Variants in ITPR2 observed in about 807,000 individuals in gnomAD.
The protein encoded by ITPR2 is inositol 1,4,5-trisphosphate-gated calcium channel ITPR2.
In ITPR2, 207 loss-of-function variants were observed where a neutral mutation model predicts 317.1. The ratio of observed to expected loss-of-function variants is 0.65; its 90% CI spans 0.58 to 0.73. The LOEUF is 0.73. Ranked by LOEUF, ITPR2 falls within the 30% of genes least tolerant of loss-of-function variation. The pLI, the probability that ITPR2 is intolerant of heterozygous loss-of-function variation, is 0.00. For synonymous variants in ITPR2, 1,156 were observed against 1,149.1 expected, an observed-to-expected ratio of 1.01 and a Z score of -0.12; for missense variants, 2,613 against 3,284.0, an observed-to-expected ratio of 0.80 and a Z score of 4.99.
In ITPR2 at chr12:26,787,922, C is replaced by CTT. The variant is rs71069268; in HGVS notation, c.163+2233_163+2234dup. Among the ~76,000 whole-genome samples, 191 of 120,186 alleles carry CTT rather than the reference C, an allele frequency of 1.6e-3. 1 individual carries two copies. The highest frequency in any genetic ancestry group is 2.0e-3 in the East Asian group (9 of 4,444). The allele number at this position is 120,186 out of a possible 152,430, so 78.8% of individuals were successfully genotyped here. A position where few individuals can be genotyped will look rare whatever the true frequency, so the allele number is the denominator to read the frequency against. Reference sequence around the variant, plus strand: ...GCCTTTCTATCATAAGGTGACTATCCTTTTTTTTTTTTTTTTTTTGAGATG... The same window carrying CTT: ...GCCTTTCTATCATAAGGTGACTATCCTTTTTTTTTTTTTTTTTTTTTGAGATG... On this transcript the variant is annotated intron_variant, in intron 2 of 56. Transcript: ENST00000381340.
Position 26,602,438 on chromosome 12 carries a change from G to A in ITPR2, c.3610C>T (p.Gln1204Ter). The change falls in exon 28 of 57, where the codon CAA (glutamine) becomes TAA (stop). Residue 1204 changes from glutamine to a stop codon, truncating the protein, a stop_gained. Transcript: ENST00000381340. LOFTEE classifies it high-confidence loss of function. ...GCCCCCATATTTTTCAGTAATCGTTGATGTTGATTCCGACACTTTTTATTC... is the reference window on the plus strand; with the variant it reads ...GCCCCCATATTTTTCAGTAATCGTTAATGTTGATTCCGACACTTTTTATTC... ...VQNKKCRNQH[Q>*]RLLKNMGAHS... The A allele has an allele frequency of 6.2e-7, 1 of 1,613,696 alleles. No homozygotes were observed. The highest frequency in any genetic ancestry group is 8.5e-7 in the Non-Finnish European group (1 of 1,179,712).
At chr12:26,371,513 C>T (rs1939189097) in intron 55 of ITPR2, among the ~76,000 whole-genome samples, 1 of 152,186 alleles carries the variant, frequency 6.6e-6, no homozygotes, top group Non-Finnish European at 1.5e-5. Flanking sequence ...GTGGTAAACG[C>T]TTTGGATAGA....
rs1937899254 is a variant in ITPR2, at chr12:26,335,859, T to C, written c.*3538A>G. ...CATCTGTGTTTGTGCTGAAGATGTCTGTCTCCTCTGCGGTGCACCGTGTCG... is the reference window on the plus strand; with the variant it reads ...CATCTGTGTTTGTGCTGAAGATGTCCGTCTCCTCTGCGGTGCACCGTGTCG... On this transcript the variant is annotated 3_prime_UTR_variant, in exon 57 of 57. Coordinates refer to ENST00000381340, the MANE Select transcript of ITPR2 (RefSeq NM_002223.4). 6.6e-6 allele frequency: 1 copy of C among 152,262 alleles called. No homozygotes were observed. Among genetic ancestry groups the C allele is most frequent in the Non-Finnish European group, 1.5e-5 (1 of 68,062 alleles). 9.4% of individuals were successfully genotyped at this position (152,262 alleles called of 1,614,324 possible). A position where few individuals can be genotyped will look rare whatever the true frequency, so the allele number is the denominator to read the frequency against.
chr12:26,684,286 G>A (rs1236133341), intron 11 of ITPR2, among the ~76,000 whole-genome samples: 3 of 152,150 alleles, frequency 2.0e-5, no homozygotes, highest in Non-Finnish European at 4.4e-5. Context: ...CTCCACAGTG[G>A]AATCACTTGG....
At chr12:26,811,002 C>T (rs1395555562) in intron 1 of ITPR2, among the ~76,000 whole-genome samples, 2 of 140,704 alleles carry the variant, frequency 1.4e-5, no homozygotes, top group African/African-American at 5.4e-5. Flanking sequence ...AAGTTTAAAT[C>T]CATGTCTCAT....
intron 37 of ITPR2, among the ~76,000 whole-genome samples, chr12:26,511,771 G>A (rs1012025373): frequency 6.6e-6 from 1 of 152,158 alleles, no homozygotes; most frequent in Non-Finnish European, 1.5e-5. Context: ...CCACGTTTGG[G>A]ACATGCGTGA....
chr12:26,337,316 C>T lies in ITPR2; in HGVS notation c.*2081G>A, dbSNP rs999051345. 1.3e-5 allele frequency: 2 copies of T among 152,136 alleles called. No homozygotes were observed. Among genetic ancestry groups the T allele is most frequent in the Non-Finnish European group, 2.9e-5 (2 of 68,018 alleles). 9.4% of individuals were successfully genotyped at this position (152,136 alleles called of 1,614,324 possible). ...TATACAAATGAATTTATTCTCTTGA[C>T]CTCTAGTTCAGATGTCAGAAATATT... is the stretch of plus-strand genomic sequence containing the variant. On this transcript the variant is annotated 3_prime_UTR_variant, in exon 57 of 57. Transcript: ENST00000381340.
chr12:26,770,144 T>C (rs1949814077), intron 2 of ITPR2, among the ~76,000 whole-genome samples: 1 of 152,222 alleles, frequency 6.6e-6, no homozygotes, highest in South Asian at 2.1e-4. Context: ...CTGTATCATA[T>C]AAATATCTGA....
chr12:26,514,120 T>C (rs1943429825), intron 37 of ITPR2, among the ~76,000 whole-genome samples: 1 of 152,248 alleles, frequency 6.6e-6, no homozygotes, highest in Non-Finnish European at 1.5e-5. Flanking sequence ...TTTTATCAGC[T>C]ATGGAAGAAG....
intron 2 of ITPR2, among the ~76,000 whole-genome samples, chr12:26,773,715 A>G (rs1193829315): frequency 3.3e-5 from 5 of 152,196 alleles, no homozygotes; most frequent in Non-Finnish European, 5.9e-5. Context: ...CCCTCTTCCC[A>G]ATACAGAGGC....
rs1418880325 is a variant in ITPR2, at chr12:26,476,995, T to G, written c.6136A>C (p.Lys2046Gln). Residue 2046 changes from lysine (K) to glutamine (Q), a missense_variant, in exon 44 of 57, where the codon AAA becomes CAA. Physicochemically the swap from Lys to Gln is moderately conservative, Grantham distance 53. Around this residue, in one of 9 missense-constraint regions of ITPR2, gnomAD observed 926 missense variants for 1,072.8 expected, o/e 0.86. Transcript: ENST00000381340. ...CTTTCCATAATGGCCAGCAAAAGTT[T>G]AGATGCATTGTTCTAGAGACACAGA... ...LVLQLKNNAS[K>Q]LLLAIMESRH... is the part of the protein sequence containing the mutation. 13 of 1,610,040 alleles carry G rather than the reference T, an allele frequency of 8.1e-6. No homozygotes were observed. Among genetic ancestry groups the G allele is most frequent in the African/African-American group, 1.3e-5 (1 of 74,860 alleles).
intron 11 of ITPR2, among the ~76,000 whole-genome samples, chr12:26,683,262 A>G (rs1948069700): frequency 1.3e-5 from 2 of 152,170 alleles, no homozygotes; most frequent in Admixed American, 6.6e-5. Flanking sequence ...ATAGAGTGGC[A>G]AAAATTTAAG....
In ITPR2 at chr12:26,388,241, C is replaced by A. The variant is rs948862993; in HGVS notation, c.7697-647G>T. 6.6e-5 allele frequency among the ~76,000 whole-genome samples: 10 copies of A among 152,192 alleles called. 3 individuals carry two copies. Among genetic ancestry groups the A allele is most frequent in the Non-Finnish European group, 2.9e-5 (2 of 68,008 alleles). On this transcript the variant is annotated intron_variant, in intron 54 of 56. Transcript: ENST00000381340. ...AAGAAAGCACCTAGATAATAAAATTCTTTTCTCTCAAAGTTAGAGAATAGA... is the reference window on the plus strand; with the variant it reads ...AAGAAAGCACCTAGATAATAAAATTATTTTCTCTCAAAGTTAGAGAATAGA...
intron 55 of ITPR2, among the ~76,000 whole-genome samples, chr12:26,346,335 G>A (rs1019433599): frequency 1.3e-5 from 2 of 152,154 alleles, no homozygotes; most frequent in Non-Finnish European, 2.9e-5. Context: ...AAAGTCAGCT[G>A]CGCTGGGCCA....
intron 8 of ITPR2, among the ~76,000 whole-genome samples, chr12:26,711,478 C>T (rs1426428628): frequency 6.6e-6 from 1 of 152,180 alleles, no homozygotes; most frequent in Non-Finnish European, 1.5e-5. Flanking sequence ...GCATGCATGA[C>T]ACTTGTGCCT....
chr12:26,745,621 G>A (rs775919366), intron 2 of ITPR2, among the ~76,000 whole-genome samples: 6 of 152,170 alleles, frequency 3.9e-5, no homozygotes, highest in Non-Finnish European at 8.8e-5. Flanking sequence ...AGGCATATAA[G>A]TCTATAGGGG....
intron 9 of ITPR2, among the ~76,000 whole-genome samples, chr12:26,700,095 A>T (rs1384386775): frequency 4.6e-5 from 7 of 152,232 alleles, no homozygotes; most frequent in Non-Finnish European, 8.8e-5. Context: ...GGAAAATAAG[A>T]CATAAATACA....
intron 49 of ITPR2, among the ~76,000 whole-genome samples, chr12:26,425,868 C>G (rs988932635): frequency 3.3e-5 from 5 of 152,158 alleles, no homozygotes; most frequent in Non-Finnish European, 7.4e-5. Flanking sequence ...TATGAAGAGT[C>G]ATTTGCTATA....
At chr12:26,573,605 C>T (rs1012988152) in intron 34 of ITPR2, among the ~76,000 whole-genome samples, 1 of 152,158 alleles carries the variant, frequency 6.6e-6, no homozygotes, top group Non-Finnish European at 1.5e-5. Flanking sequence ...TTCTGGAATA[C>T]TTCACTGAGC....
Sources: gnomAD v4.1 joint callset for allele counts (sites outside exome capture counted in the v4.1 genomes callset) on GRCh38, gnomAD v4.1.1 for gene constraint, gnomAD v4.1.1 regional missense constraint, MANE v1.5 for transcripts, NCBI Gene and HGNC (gene_info 2026-07-23, HGNC 2026-07-21) for gene names.